The following AP3D1 variants were observed in gnomAD, a reference collection of about 807,000 sequenced individuals.
AP3D1 encodes the protein adaptor related protein complex 3 subunit delta 1.
In AP3D1, 51 loss-of-function variants were observed where a neutral mutation model predicts 147.6. The ratio of observed to expected loss-of-function variants is 0.35; its 90% CI spans 0.28 to 0.44. The LOEUF is 0.44. Ranked by LOEUF, AP3D1 falls within the 20% of genes least tolerant of loss-of-function variation. AP3D1 has a pLI of 1.00. For missense variants in AP3D1, 1,421 were observed against 1,624.2 expected (o/e 0.87, Z 2.15); for synonymous variants, 760 against 663.0 (o/e 1.15, Z -2.25).
At chr19:2,113,453 T>C (rs1296624977) in intron 22 of AP3D1, 40 bp from the exon 23 acceptor site, 3 of 1,297,526 alleles carry the variant, frequency 2.3e-6, no homozygotes, top group Non-Finnish European at 1.0e-6. Flanking sequence ...CGCAGTGCAA[T>C]GGTCCTGGGA....
chr19:2,103,688 G>A (rs577892317), intron 31 of AP3D1, among the ~76,000 whole-genome samples: 1 of 152,300 alleles, frequency 6.6e-6, no homozygotes, highest in African/African-American at 2.4e-5. Context: ...ACAGTCCCCA[G>A]AAGGCAGGGG....
chr19:2,115,679 G>T, intron 18 of AP3D1, 66 bp from the exon 19 acceptor site: 1 of 1,518,520 alleles, frequency 6.6e-7, no homozygotes, highest in Non-Finnish European at 9.0e-7. Context: ...GACAAGCCTC[G>T]GGGATGCAGG....
chr19:2,163,884 C>T (rs1395712352), intron 1 of AP3D1, among the ~76,000 whole-genome samples: 1 of 149,862 alleles, frequency 6.7e-6, no homozygotes, highest in African/African-American at 2.4e-5. Context: ...GTCTTCGCTC[C>T]GGGCTCCCCT....
intron 8 of AP3D1, 100 bp from the exon 9 acceptor site, chr19:2,127,301 C>T (rs1447097628): frequency 1.1e-5 from 14 of 1,315,790 alleles, no homozygotes; most frequent in Middle Eastern, 1.8e-4. Flanking sequence ...CTCCGCCCCA[C>T]GGCTCAGGGA....
Position 2,117,342 on chromosome 19 carries a change from T to C in AP3D1, c.1739A>G (p.Lys580Arg). The C allele has an allele frequency of 1.2e-6, 2 of 1,610,232 alleles. No individual in the cohort carries two copies. The highest frequency in any genetic ancestry group is 1.3e-5 in the African/African-American group (1 of 74,920). ...ERASCILQLV[K>R]HIQKLQAKDV... is the part of the protein sequence containing the mutation. ...CTTGGCCTGAAGCTTCTGGATGTGC[T>C]TGACCAGCTGCAGGATGCAGGACGC... The change falls in exon 16 of 32, where the codon AAG becomes AGG. Residue 580 changes from lysine (K) to arginine (R), a missense_variant. Lys to Arg is a conservative substitution (Grantham distance 26, BLOSUM62 2). This residue lies in a region of AP3D1 where 310 missense variants were observed against 388.1 expected (regional missense o/e 0.80). Transcript: ENST00000643116.
rs1487189260 is a variant in AP3D1, at chr19:2,109,188, G to A, written c.3370C>T (p.Leu1124=). 1.2e-6 allele frequency: 2 copies of A among 1,602,380 alleles called. No homozygotes were observed. Among genetic ancestry groups the A allele is most frequent in the Non-Finnish European group, 1.7e-6 (2 of 1,175,486 alleles). The change falls in exon 30 of 32, where the codon CTG becomes TTG. Residue 1124 remains leucine (L), a synonymous_variant. Transcript: ENST00000643116. ...PCYSDAFAKL[L]ESGDLSMSSI... is the part of the protein sequence containing the mutation. ...CTCATGCTCAAGTCCCCAGACTCCA[G>A]CAACTTAGCAAAGGCGTCACTGTGG...
chr19:2,150,302 T>C (rs938927967), intron 1 of AP3D1, among the ~76,000 whole-genome samples: 1 of 152,100 alleles, frequency 6.6e-6, no homozygotes, highest in Non-Finnish European at 1.5e-5. Context: ...GTCGCTCAAG[T>C]AGGACACTTT....
chr19:2,108,769 G>A lies in AP3D1; in HGVS notation c.3473-3C>T, dbSNP rs2145005543. 1 of 1,563,268 alleles carries A rather than the reference G, an allele frequency of 6.4e-7. No individual in the cohort carries two copies. The highest frequency in any genetic ancestry group is 8.7e-7 in the Non-Finnish European group (1 of 1,153,914). On this transcript the variant is annotated splice_region_variant and splice_polypyrimidine_tract_variant and intron_variant, in intron 30 of 31. Transcript: ENST00000643116. The stretch of plus-strand genomic sequence containing the variant: ...GCAGGAGTCCACTCGCTCCACAACT[G>A]CAACAGAGCGGGCAGTGTTAGGCTT...
chr19:2,110,627 A>G lies in AP3D1; in HGVS notation c.3175+80T>C, dbSNP rs1049742929. 2.1e-5 allele frequency: 30 copies of G among 1,403,216 alleles called. No homozygotes were observed. In the African/African-American group the frequency reaches 3.9e-4, roughly 18 times the overall value. The allele number at this position is 1,403,216 out of a possible 1,614,324, so 86.9% of individuals were successfully genotyped here. On this transcript the variant is annotated intron_variant, in intron 27 of 31. Transcript: ENST00000643116. ...GGGACATGGGGAGGAAGCAACAAGA[A>G]CCAGCGGATCCGGGCAGTCACCAGC...
At chr19:2,115,190 C>G in intron 20 of AP3D1, 29 bp downstream of exon 20, 2 of 1,599,888 alleles carry the variant, frequency 1.3e-6, no homozygotes, top group East Asian at 2.2e-5. Context: ...GATAGACATC[C>G]TAGGACCGGG....
In AP3D1 at chr19:2,161,010, AT is replaced by A. The variant is rs573923655; in HGVS notation, c.-103+3345del. On this transcript the variant is annotated intron_variant, in intron 1 of 14. Coordinates refer to the AP3D1 transcript ENST00000643010. ...AAGAGCCCCCAAGAGACTGCATCCC[AT>A]GATCCACCACCCTGCTGAGGTCCCA... Among the ~76,000 whole-genome samples the A allele has an allele frequency of 6.6e-5, 10 of 152,118 alleles. No homozygotes were observed. The East Asian group carries it at 1.9e-3, about 29-fold the overall frequency.
chr19:2,130,353 G>T, intron 6 of AP3D1, 55 bp downstream of exon 6: 1 of 1,609,758 alleles, frequency 6.2e-7, no homozygotes, highest in South Asian at 1.1e-5. Context: ...CCTCTTCCCA[G>T]GGCACCGGCT....
At chr19:2,138,535 C>G in intron 2 of AP3D1, 84 bp downstream of exon 2, 1 of 1,062,188 alleles carries the variant, frequency 9.4e-7, no homozygotes, top group East Asian at 2.4e-5. Context: ...GACAGGTGGA[C>G]AGACAGGCTG....
At chr19:2,141,170 CATT>C (rs761166254) in intron 1 of AP3D1, among the ~76,000 whole-genome samples, 4 of 152,100 alleles carry the variant, frequency 2.6e-5, no homozygotes, top group Non-Finnish European at 4.4e-5. Flanking sequence ...GGCTATACAT[CATT>C]GACACTTTCT....
At chr19:2,153,387 G>GTT (rs370165402), upstream of AP3D1, among the ~76,000 whole-genome samples, 1 of 138,196 alleles carries the variant, frequency 7.2e-6, no homozygotes, top group African/African-American at 3.3e-5. Flanking sequence ...AAAGAAGTGG[G>GTT]GGGGGGGACC....
chr19:2,148,956 T>TA (rs2019434220), intron 1 of AP3D1, among the ~76,000 whole-genome samples: 2 of 151,930 alleles, frequency 1.3e-5, no homozygotes, highest in Admixed American at 6.5e-5. Flanking sequence ...ACCTACAACA[T>TA]ACGGTCTATA....
rs1363883930 is a variant in AP3D1 at position 2,113,364 on chromosome 19, G to A, written c.2651C>T (p.Ala884Val). 1.8e-5 allele frequency: 24 copies of A among 1,367,192 alleles called. No individual in the cohort carries two copies. Among genetic ancestry groups the A allele is most frequent in the Admixed American group, 2.7e-5 (1 of 37,136 alleles). 84.7% of individuals were successfully genotyped at this position (1,367,192 alleles called of 1,614,324 possible). ...GGATGGAACGGGGGCGGGGGCGGGG[G>A]CGGGGGCAGGCGGTGGGGTGGTAGA... ...WLSTTPPPAP[A>V]PAPAPVPSTG... Residue 884 changes from alanine to valine, a missense_variant, in exon 23 of 32, where the codon GCC (alanine) becomes GTC (valine). Ala to Val is a moderately conservative substitution (Grantham distance 64, BLOSUM62 0). Coordinates refer to ENST00000643116, the MANE Select transcript of AP3D1 (RefSeq NM_001261826.3).
upstream of AP3D1, among the ~76,000 whole-genome samples, chr19:2,152,304 G>A (rs1321302226): frequency 6.6e-6 from 1 of 152,256 alleles, no homozygotes; most frequent in South Asian, 2.1e-4. Context: ...CACTTTGAGA[G>A]GCCGTAAGCG....
intron 8 of AP3D1, among the ~76,000 whole-genome samples, chr19:2,128,360 T>C (rs2145100220): frequency 6.6e-6 from 1 of 152,142 alleles, no homozygotes; most frequent in Non-Finnish European, 1.5e-5. Context: ...AGGCTTCCAG[T>C]CTAGGACGGA....
Sources: allele counts gnomAD v4.1 joint callset (sites outside exome capture counted in the v4.1 genomes callset), GRCh38; gene constraint gnomAD v4.1.1; regional missense constraint gnomAD v4.1.1; transcripts MANE v1.5; gene names NCBI Gene and HGNC (gene_info 2026-07-23, HGNC 2026-07-21).